BAG6: variants seen among roughly 807,000 people sequenced by gnomAD.
BAG6 encodes the protein BAG cochaperone 6, also known as large proline-rich protein BAG6.
Under a neutral mutation model 121.0 loss-of-function variants are expected in BAG6, and 22 were observed. The observed-to-expected ratio is 0.18, with a 90% confidence interval of 0.13 to 0.26. The LOEUF is 0.26. BAG6 is among the 10% of genes least tolerant of loss of function. BAG6 has a pLI of 1.00. For synonymous variants in BAG6, 583 were observed against 584.6 expected, an observed-to-expected ratio of 1.00 and a Z score of 0.04; for missense variants, 1,233 against 1,537.7, an observed-to-expected ratio of 0.80 and a Z score of 3.31.
chr6:31,642,008 G>A, intron 16 of BAG6, 63 bp from the exon 17 acceptor site: 1 of 1,600,156 alleles, frequency 6.2e-7, no homozygotes, highest in South Asian at 1.1e-5. Flanking sequence ...CCCACAACCA[G>A]ATCATCAACC....
At chr6:31,639,737 A>G (rs1780619274) in intron 24 of BAG6, 91 bp from the exon 25 acceptor site, 1 of 1,430,956 alleles carries the variant, frequency 7.0e-7, no homozygotes, top group Non-Finnish European at 9.5e-7. Flanking sequence ...CAACCACTCC[A>G]CTGAGTCTCC....
At chr6:31,643,446 G>A (rs1276112568) in intron 14 of BAG6, among the ~76,000 whole-genome samples, 1 of 151,104 alleles carries the variant, frequency 6.6e-6, no homozygotes, top group East Asian at 2.0e-4. Flanking sequence ...AAAGCTGGCC[G>A]GGCACGATGG....
rs892434717 is a variant in BAG6, at chr6:31,646,502, A to G, written c.810T>C (p.Tyr270=). 1.2e-6 allele frequency: 2 copies of G among 1,612,790 alleles called. No homozygotes were observed. The highest frequency in any genetic ancestry group is 2.2e-5 in the East Asian group (1 of 44,872). The change falls in exon 8 of 26, where the codon TAT becomes TAC. Residue 270 remains tyrosine (Y), a synonymous_variant. Coordinates refer to ENST00000676615, the MANE Select transcript of BAG6 (RefSeq NM_001387994.1). ...GCTGTAGCTCCTGGAGCACCTCGAC[A>G]TACTCCGCAGGGGAAGGATGGCTGT... is the stretch of plus-strand genomic sequence containing the variant. ...NAPNHPSPAE[Y]VEVLQELQRL... is the part of the protein sequence containing the mutation.
At position 31,643,115 on chromosome 6, in the gene BAG6, G is replaced by C. The variant is rs1243875032; in HGVS notation, c.1757C>G (p.Ala586Gly). The C allele has an allele frequency of 1.3e-6, 2 of 1,560,212 alleles. No individual in the cohort carries two copies. The highest frequency in any genetic ancestry group is 2.3e-5 in the South Asian group (2 of 85,244). The part of the protein sequence containing the change: ...GQLLMQPVLV[A>G]QGTPGMAPPP... Reference sequence around the variant, plus strand: ...TGGAGCCATACCTGGGGTCCCCTGAGCTGTAAGAAACCAAAAAAAGAAAGC... The same window carrying C: ...TGGAGCCATACCTGGGGTCCCCTGACCTGTAAGAAACCAAAAAAAGAAAGC... The change falls in exon 15 of 26, where the codon GCT (alanine) becomes GGT (glycine). Residue 586 changes from alanine to glycine, a missense_variant and splice_region_variant. Transcript: ENST00000676615.
At chr6:31,651,993 G>T (rs534169983) in intron 1 of BAG6, 996 of 498,888 alleles carry the variant, frequency 2.0e-3, no homozygotes, top group Admixed American at 3.2e-3. Context: ...GACGAGAGGT[G>T]GGAGGGGCTC....
rs1027183350 is a variant in BAG6, at chr6:31,647,764, C to T, written c.615G>A (p.Pro205=). The T allele has an allele frequency of 7.5e-6, 12 of 1,600,222 alleles. No individual in the cohort carries two copies. The highest frequency in any genetic ancestry group is 6.8e-5 in the African/African-American group (5 of 73,984). The change falls in exon 7 of 26, where the codon CCG becomes CCA. Residue 205 remains proline, a synonymous_variant. Coordinates refer to ENST00000676615, the MANE Select transcript of BAG6 (RefSeq NM_001387994.1). ...TTTGAGAGCTCAAGGCTACTGGCTC[C>T]GGGGTCACAGCCGGTGGCTGCGGGG... ...QPPPQPPAVT[P]EPVALSSQTS...
intron 14 of BAG6, 84 bp from the exon 15 acceptor site, chr6:31,643,199 G>T: frequency 7.1e-7 from 1 of 1,405,324 alleles, no homozygotes; most frequent in South Asian, 1.3e-5. Flanking sequence ...GCCAAGGCAT[G>T]AGAACTGCTT....
chr6:31,640,632 C>A lies in BAG6; in HGVS notation c.2994+13G>T, dbSNP rs746746906. The A allele has an allele frequency of 1.2e-5, 19 of 1,612,972 alleles. No individual in the cohort carries two copies. The highest frequency in any genetic ancestry group is 5.3e-5 in the African/African-American group (4 of 75,052). On this transcript the variant is annotated intron_variant, in intron 22 of 25. Coordinates refer to ENST00000676615, the MANE Select transcript of BAG6 (RefSeq NM_001387994.1). This position sits in a 1 kb window ranked among gnomAD's most constrained non-coding sequence, Gnocchi z 4.2. The stretch of plus-strand genomic sequence containing the variant: ...CATTATCTGGCCCCTCAACCTCCCC[C>A]TCTCTAGAGTACCTGAGGCTCAGGG...
At chr6:31,639,715 CT>C in intron 24 of BAG6, 69 bp from the exon 25 acceptor site, 1 of 1,530,384 alleles carries the variant, frequency 6.5e-7, no homozygotes, top group Non-Finnish European at 8.8e-7. Context: ...CCGGCTCACC[CT>C]TTCCATGAGT....
At chr6:31,645,726 G>C (rs1788364564) in intron 8 of BAG6, 122 bp from the exon 9 acceptor site, 1 of 1,234,688 alleles carries the variant, frequency 8.1e-7, no homozygotes, top group African/African-American at 1.5e-5. Flanking sequence ...TTATATCCTT[G>C]GAAGTTTACA....
Position 31,641,932 on chromosome 6 carries a change from G to A in BAG6, c.2349C>T (p.Ala783=). ...AGTTCTGGCACAGAAGAGAAAGCAA[G>A]GCCCCAAAGAATCCTGGGGGACAAG... ...GADGALGFFG[A]LLSLLCQNFS... The change falls in exon 17 of 26, where the codon GCC becomes GCT. Residue 783 remains alanine (A), a synonymous_variant. Coordinates refer to ENST00000676615, the MANE Select transcript of BAG6 (RefSeq NM_001387994.1). This position sits in a 1 kb window ranked among gnomAD's most constrained non-coding sequence, Gnocchi z 5.7. 1 of 1,612,968 alleles carries A rather than the reference G, an allele frequency of 6.2e-7. No individual in the cohort carries two copies. The highest frequency in any genetic ancestry group is 1.1e-5 in the South Asian group (1 of 91,072).
At chr6:31,651,872 A>G in intron 1 of BAG6, 96 bp from the exon 2 acceptor site, 2 of 849,424 alleles carry the variant, frequency 2.4e-6, no homozygotes, top group Non-Finnish European at 3.9e-6. Context: ...ATACCTAAAA[A>G]GTTTCTCCTG....
In BAG6 at chr6:31,645,105, C is replaced by T. The variant is rs1040073274; in HGVS notation, c.1210G>A (p.Ala404Thr). 1.9e-6 allele frequency: 3 copies of T among 1,613,004 alleles called. No individual in the cohort carries two copies. Among genetic ancestry groups the T allele is most frequent in the Non-Finnish European group, 2.5e-6 (3 of 1,180,004 alleles). ...GTAGAAGACGGAGCCACGGATGAGGCCTGCCCAGGACCAGGGGGAGGTGCC... is the reference window on the plus strand; with the variant it reads ...GTAGAAGACGGAGCCACGGATGAGGTCTGCCCAGGACCAGGGGGAGGTGCC... ...AEAPPPGPGQASSVAPSSTNV... is the reference protein window; with the variant it reads ...AEAPPPGPGQTSSVAPSSTNV... The change falls in exon 10 of 26, where the codon GCC (alanine) becomes ACC (threonine). Residue 404 changes from alanine to threonine, a missense_variant. Physicochemically the swap from Ala to Thr is moderately conservative, Grantham distance 58. Around this residue, in one of 7 missense-constraint regions of BAG6, gnomAD observed 777 missense variants for 861.4 expected, o/e 0.90. Transcript: ENST00000676615.
At position 31,641,295 on chromosome 6, in the gene BAG6, T is replaced by C; in HGVS notation, c.2662+25A>G. ...CCCTGCACATGCAACAGGCCCCACT[T>C]GCCCCCGCCTGGCCAGCCCCTGACC... On this transcript the variant is annotated intron_variant, in intron 19 of 25. Transcript: ENST00000676615. This position sits in a 1 kb window ranked among gnomAD's most constrained non-coding sequence, Gnocchi z 5.7. 3 of 1,613,794 alleles carry C rather than the reference T, an allele frequency of 1.9e-6. No individual in the cohort carries two copies. Among genetic ancestry groups the C allele is most frequent in the Non-Finnish European group, 2.5e-6 (3 of 1,179,696 alleles).
rs779208397 is a variant in BAG6, at chr6:31,641,510, G to A, written c.2559+29C>T. On this transcript the variant is annotated intron_variant, in intron 18 of 25. Coordinates refer to ENST00000676615, the MANE Select transcript of BAG6 (RefSeq NM_001387994.1). This position sits in a 1 kb window ranked among gnomAD's most constrained non-coding sequence, Gnocchi z 5.7. Reference sequence around the variant, plus strand: ...GCAGCTGCCTTGACCAGACCCAGGAGAGGAAAGGAATAGAGAAGGGTTACT... The same window carrying A: ...GCAGCTGCCTTGACCAGACCCAGGAAAGGAAAGGAATAGAGAAGGGTTACT... 4.3e-5 allele frequency: 69 copies of A among 1,614,000 alleles called. No homozygotes were observed. Among genetic ancestry groups the A allele is most frequent in the East Asian group, 3.8e-4 (17 of 44,902 alleles).
rs967391855 is a variant in BAG6 at position 31,641,871 on chromosome 6, G to A, written c.2410C>T (p.His804Tyr). 2 of 1,613,042 alleles carry A rather than the reference G, an allele frequency of 1.2e-6. No individual in the cohort carries two copies. The highest frequency in any genetic ancestry group is 1.7e-6 in the Non-Finnish European group (2 of 1,180,036). The change falls in exon 17 of 26, where the codon CAT becomes TAT. Residue 804 changes from histidine to tyrosine, a missense_variant. His to Tyr is a moderately conservative substitution (Grantham distance 83). Transcript: ENST00000676615. The surrounding 1 kb of genome is among the most constrained non-coding windows in gnomAD (Gnocchi z 5.7). ...MVDVVMLLHG[H>Y]FQPLQRLQPQ... ...TGGAGCCGTTGTAGTGGCTGGAAAT[G>A]CCCATGGAGAAGCATCACTACGTCC...
chr6:31,646,631 T>C, intron 7 of BAG6, 108 bp from the exon 8 acceptor site: 2 of 1,429,758 alleles, frequency 1.4e-6, no homozygotes, highest in South Asian at 2.7e-5. Flanking sequence ...CCCAGAGCCC[T>C]GGCCCAATCC....
Position 31,651,695 on chromosome 6 carries a change from G to C in BAG6, c.69C>G (p.Thr23=). 6.2e-7 allele frequency: 1 copy of C among 1,613,064 alleles called. No individual in the cohort carries two copies. Among genetic ancestry groups the C allele is most frequent in the Non-Finnish European group, 8.5e-7 (1 of 1,180,024 alleles). The stretch of plus-strand genomic sequence containing the variant: ...TAAAGGTACGAGTTTGAGAGTCCAA[G>C]GTCTTCACCAACACCTCCAAGCTGT... ...EPDSLEVLVK[T]LDSQTRTFIV... is the part of the protein sequence containing the mutation. Residue 23 remains threonine, a synonymous_variant, in exon 2 of 26, where the codon ACC becomes ACG. Coordinates refer to ENST00000676615, the MANE Select transcript of BAG6 (RefSeq NM_001387994.1).
Position 31,644,745 on chromosome 6 carries a change from C to T in BAG6, c.1370-143G>A. ...CCCTCCATCTAAACAGGGAGAGGTACTCCCTTCACCACACAAACACACCTC... is the reference window on the plus strand; with the variant it reads ...CCCTCCATCTAAACAGGGAGAGGTATTCCCTTCACCACACAAACACACCTC... On this transcript the variant is annotated intron_variant, in intron 10 of 25. Coordinates refer to ENST00000676615, the MANE Select transcript of BAG6 (RefSeq NM_001387994.1). The surrounding 1 kb of genome is among the most constrained non-coding windows in gnomAD (Gnocchi z 4.9). 1.2e-5 allele frequency: 15 copies of T among 1,224,418 alleles called. No homozygotes were observed. Among genetic ancestry groups the T allele is most frequent in the Non-Finnish European group, 1.8e-5 (15 of 843,472 alleles). The allele number at this position is 1,224,418 out of a possible 1,614,324, so 75.8% of individuals were successfully genotyped here.
Sources: gnomAD v4.1 joint callset for allele counts (sites outside exome capture counted in the v4.1 genomes callset) on GRCh38, gnomAD v4.1.1 for gene constraint, gnomAD v4.1.1 regional missense constraint, Gnocchi (gnomAD v3.1) non-coding constraint, MANE v1.5 for transcripts, NCBI Gene and HGNC (gene_info 2026-07-23, HGNC 2026-07-21) for gene names.